KIF25: variants seen among roughly 807,000 people sequenced by gnomAD.
KIF25 encodes kinesin family member 25.
Under a neutral mutation model 32.9 loss-of-function variants are expected in KIF25, and 19 were observed. That is an observed-to-expected ratio of 0.58 (90% CI 0.40 to 0.85). The LOEUF (loss-of-function observed/expected upper bound fraction) is 0.85. KIF25 is among the 40% of genes least tolerant of loss of function. The pLI is 0.00. For missense variants in KIF25, 485 were observed against 507.0 expected, an observed-to-expected ratio of 0.96 and a Z score of 0.42; for synonymous variants, 225 against 213.7, an observed-to-expected ratio of 1.05 and a Z score of -0.46.
chr6:168,036,952 C>CCCTGA (rs1354342104), intron 8 of KIF25, among the ~76,000 whole-genome samples: 1 of 152,186 alleles, frequency 6.6e-6, no homozygotes, highest in African/African-American at 2.4e-5. Context: ...ATGTCAGCTA[C>CCCTGA]TCAGGAGGCT....
intron 6 of KIF25, among the ~76,000 whole-genome samples, 198 bp downstream of exon 6, chr6:168,029,875 TA>T (rs60520213): frequency 0.27 from 40,818 of 152,022 alleles, 5,829 homozygotes; most frequent in East Asian, 0.5. Flanking sequence ...GAACACCTCA[TA>T]AGGGTCCCCT....
intron 6 of KIF25, 139 bp downstream of exon 6, chr6:168,029,816 G>A (rs2114898244): frequency 1.8e-6 from 2 of 1,110,348 alleles, no homozygotes; most frequent in Non-Finnish European, 2.5e-6. Context: ...TCTCAGCCCT[G>A]AGCATCTTCC....
rs73042832 is a variant in KIF25, at chr6:168,040,149, G to A, written c.579G>A (p.Ala193=). 0.03 allele frequency: 48,751 copies of A among 1,613,754 alleles called. 854 individuals carry two copies. Among genetic ancestry groups the A allele is most frequent in the African/African-American group, 0.062 (4,685 of 75,012 alleles). The part of the protein sequence containing the change: ...LRAKHPTLVH[A]DSSRSHLIIT... Reference sequence around the variant, plus strand: ...CGAAGCACCCCACCCTGGTGCACGCGGATTCCTCCAGGTCTCACCTGATAA... The same window carrying A: ...CGAAGCACCCCACCCTGGTGCACGCAGATTCCTCCAGGTCTCACCTGATAA... Residue 193 remains alanine, a synonymous_variant, in exon 10 of 13, where the codon GCG becomes GCA. Transcript: ENST00000643607.
At chr6:168,020,231 C>A (rs1798771043) in intron 5 of KIF25, among the ~76,000 whole-genome samples, 1 of 152,100 alleles carries the variant, frequency 6.6e-6, no homozygotes, top group African/African-American at 2.4e-5. Context: ...TGAAAATGAC[C>A]TTAGGCTTCT....
rs746319748 is a variant in KIF25 at position 168,040,029 on chromosome 6, C to A, written c.495-36C>A. ...AGTCGCCTTAGGTAAGGGGGGCCGC[C>A]CTCACTGTGTTCCCCACTGCTTGCC... On this transcript the variant is annotated intron_variant, in intron 9 of 12. Coordinates refer to ENST00000643607, the MANE Select transcript of KIF25 (RefSeq NM_030615.4). 4.4e-6 allele frequency: 7 copies of A among 1,587,032 alleles called. No homozygotes were observed. In the South Asian group the frequency reaches 7.9e-5, roughly 18 times the overall value.
chr6:168,008,953 C>T lies in KIF25; in HGVS notation c.-163+5250C>T, dbSNP rs9346517. 2.2e-4 allele frequency among the ~76,000 whole-genome samples: 33 copies of T among 152,108 alleles called. No homozygotes were observed. The East Asian group carries it at 5.6e-3, about 26-fold the overall frequency. On this transcript the variant is annotated intron_variant, in intron 4 of 12. Transcript: ENST00000643607. ...TATCCTGCAACTTTACCGAAGTTGT[C>T]GATCAGTTCTAAGAGATTTTTGGTA...
At chr6:168,030,909 C>A in intron 7 of KIF25, 62 bp downstream of exon 7, 1 of 1,329,900 alleles carries the variant, frequency 7.5e-7, no homozygotes, top group Non-Finnish European at 1.1e-6. Flanking sequence ...AGAAGCTTCA[C>A]TGTGCTGTGG....
At position 168,009,847 on chromosome 6, in the gene KIF25, A is replaced by G. The variant is rs565735910; in HGVS notation, c.-163+6144A>G. On this transcript the variant is annotated intron_variant, in intron 4 of 12. Transcript: ENST00000643607. Reference sequence around the variant, plus strand: ...TTATCTGTTTCTTCTAGGTTTTTGAATTTATTGGCATATGGTTGTTTATAG... The same window carrying G: ...TTATCTGTTTCTTCTAGGTTTTTGAGTTTATTGGCATATGGTTGTTTATAG... Among the ~76,000 whole-genome samples the G allele has an allele frequency of 3.7e-4, 56 of 152,016 alleles. No homozygotes were observed. In the South Asian group the frequency reaches 0.011, roughly 30 times the overall value.
chr6:168,019,574 A>C (rs1798760577), intron 5 of KIF25, among the ~76,000 whole-genome samples: 1 of 152,226 alleles, frequency 6.6e-6, no homozygotes, highest in South Asian at 2.1e-4. Context: ...GGGAGACTCC[A>C]TAGCGAGTGG....
At chr6:168,037,917 G>C (rs59026400) in intron 8 of KIF25, among the ~76,000 whole-genome samples, 3,581 of 152,124 alleles carry the variant, frequency 0.024, 161 homozygotes, top group African/African-American at 0.082. Context: ...GGTTTCACCA[G>C]GTTGGCCATG....
intron 5 of KIF25, among the ~76,000 whole-genome samples, chr6:168,023,366 C>T (rs1259051078): frequency 2.7e-5 from 4 of 149,152 alleles, no homozygotes; most frequent in Admixed American, 6.8e-5. Flanking sequence ...CTTCTGGGTT[C>T]GAGCGATTCT....
chr6:168,014,882 G>A (rs1042645145), intron 4 of KIF25, among the ~76,000 whole-genome samples: 1 of 152,094 alleles, frequency 6.6e-6, no homozygotes, highest in East Asian at 1.9e-4. Flanking sequence ...GTCTTTGTTC[G>A]TCCCTGATTC....
At chr6:168,039,136 A>AT (rs931909235) in intron 9 of KIF25, among the ~76,000 whole-genome samples, 5 of 152,182 alleles carry the variant, frequency 3.3e-5, no homozygotes, top group African/African-American at 4.8e-5. Flanking sequence ...CACAAAAAAT[A>AT]TTTTTTACAA....
intron 4 of KIF25, among the ~76,000 whole-genome samples, chr6:168,013,279 T>A (rs955506714): frequency 6.6e-6 from 1 of 151,724 alleles, no homozygotes; most frequent in Non-Finnish European, 1.5e-5. Context: ...TGGGTGGGAC[T>A]GCCAGGTTCC....
At chr6:168,028,135 T>C (rs1798890521) in intron 5 of KIF25, among the ~76,000 whole-genome samples, 1 of 152,198 alleles carries the variant, frequency 6.6e-6, no homozygotes, top group African/African-American at 2.4e-5. Context: ...GACCCCATTT[T>C]ATCTTTTTAT....
At chr6:168,032,255 G>A (rs1798952218) in intron 7 of KIF25, among the ~76,000 whole-genome samples, 2 of 152,244 alleles carry the variant, frequency 1.3e-5, no homozygotes, top group South Asian at 4.1e-4. Flanking sequence ...CCATTCAGAT[G>A]GCTGGGGGGC....
At chr6:168,007,004 C>T (rs1249772635) in intron 4 of KIF25, among the ~76,000 whole-genome samples, 1 of 152,096 alleles carries the variant, frequency 6.6e-6, no homozygotes, top group Non-Finnish European at 1.5e-5. Context: ...TTGATTGATT[C>T]AGCTTTATTT....
At chr6:168,011,948 T>A (rs1165588341) in intron 4 of KIF25, among the ~76,000 whole-genome samples, 1 of 152,172 alleles carries the variant, frequency 6.6e-6, no homozygotes, top group Non-Finnish European at 1.5e-5. Context: ...TCCTATTTGG[T>A]CTAGTCTGTT....
At chr6:167,999,557 G>C (rs1198891195) in intron 2 of KIF25, among the ~76,000 whole-genome samples, 1 of 152,214 alleles carries the variant, frequency 6.6e-6, no homozygotes, top group Non-Finnish European at 1.5e-5. Flanking sequence ...TCTCGTGCGT[G>C]GTAGTGGTTC....
Sources: allele counts gnomAD v4.1 joint callset (sites outside exome capture counted in the v4.1 genomes callset), GRCh38; gene constraint gnomAD v4.1.1; transcripts MANE v1.5; gene names NCBI Gene and HGNC (gene_info 2026-07-23, HGNC 2026-07-21).